Variants in PLAUR observed in about 807,000 individuals in gnomAD.
The protein encoded by PLAUR is urokinase plasminogen activator surface receptor.
In PLAUR, 22 loss-of-function variants were observed where a neutral mutation model predicts 33.4. The observed-to-expected ratio is 0.66, with a 90% CI of 0.47 to 0.94. PLAUR has a LOEUF of 0.94. Ranked by LOEUF, PLAUR falls within the 40% of genes least tolerant of loss-of-function variation. The probability of loss-of-function intolerance (pLI) is 0.00; values close to 1 mark genes in which losing one functional copy is unlikely to be tolerated. For missense variants in PLAUR, 408 were observed against 434.7 expected (o/e 0.94, Z 0.55); for synonymous variants, 148 against 167.3 (o/e 0.88, Z 0.89).
intron 6 of PLAUR, among the ~76,000 whole-genome samples, chr19:43,650,107 G>T (rs1176739576): frequency 6.6e-6 from 1 of 151,570 alleles, no homozygotes; most frequent in Non-Finnish European, 1.5e-5. Flanking sequence ...TGCCTCCCGG[G>T]TTCAAGCAAT....
intron 6 of PLAUR, chr19:43,651,884 C>A: frequency 9.6e-7 from 1 of 1,040,928 alleles, no homozygotes; most frequent in Non-Finnish European, 1.2e-6. Flanking sequence ...CCAAAGAATT[C>A]CATTTTTCTT....
At position 43,664,406 on chromosome 19, in the gene PLAUR, C is replaced by T. The variant is rs143966658; in HGVS notation, c.310+910G>A. 3.2e-4 allele frequency among the ~76,000 whole-genome samples: 48 copies of T among 152,330 alleles called. No homozygotes were observed. The East Asian group carries it at 8.9e-3, about 28-fold the overall frequency. On this transcript the variant is annotated intron_variant, in intron 3 of 6. Transcript: ENST00000340093. ...GCACCATGGACCCATTCCTTCCCCA[C>T]CCTTCCTCTCCTGTGGGAATTTAGG...
At chr19:43,655,066 A>C (rs902061951) in intron 5 of PLAUR, among the ~76,000 whole-genome samples, 2 of 152,082 alleles carry the variant, frequency 1.3e-5, no homozygotes, top group African/African-American at 2.4e-5. Flanking sequence ...ACTTGAGGTC[A>C]GGAGTTCGAG....
chr19:43,667,243 T>C, intron 2 of PLAUR: 1 of 348,584 alleles, frequency 2.9e-6, no homozygotes, highest in Non-Finnish European at 5.5e-6. Context: ...CATGTGTCCC[T>C]GGGTATATGT....
intron 3 of PLAUR, chr19:43,661,519 C>G (rs1966995013): frequency 6.6e-6 from 1 of 152,120 alleles, no homozygotes; most frequent in African/African-American, 2.4e-5. Context: ...GCCTCAGCCA[C>G]CCAAGTAGCT....
chr19:43,653,002 G>A (rs988039286), intron 5 of PLAUR, among the ~76,000 whole-genome samples: 5 of 151,758 alleles, frequency 3.3e-5, no homozygotes, highest in African/African-American at 7.3e-5. Flanking sequence ...TTTTTGAGAC[G>A]GAGTCTTGCT....
Position 43,655,480 on chromosome 19 carries a change from A to G in PLAUR, c.566T>C (p.Phe189Ser). 6.2e-7 allele frequency: 1 copy of G among 1,614,072 alleles called. No individual in the cohort carries two copies. Among genetic ancestry groups the G allele is most frequent in the Non-Finnish European group, 8.5e-7 (1 of 1,180,000 alleles). Reference protein sequence around the residue: ...NGFHNNDTFHFLKCCNTTKCN... With the variant: ...NGFHNNDTFHSLKCCNTTKCN... ...TTTGGTGGTGTTGCAGCATTTCAGG[A>G]AGTGGAAGGTGTCGTTGTTGTGGAA... Residue 189 changes from phenylalanine (F) to serine (S), a missense_variant, in exon 5 of 7, where the codon TTC becomes TCC. Transcript: ENST00000340093.
chr19:43,657,768 G>A (rs1446127666), intron 3 of PLAUR, among the ~76,000 whole-genome samples: 3 of 152,142 alleles, frequency 2.0e-5, no homozygotes, highest in Non-Finnish European at 2.9e-5. Flanking sequence ...ACATGGCCAG[G>A]GACAGATAAG....
intron 1 of PLAUR, chr19:43,668,010 C>A: frequency 8.6e-7 from 1 of 1,166,052 alleles, no homozygotes; most frequent in South Asian, 2.1e-5. Context: ...TCTATCAGTA[C>A]GTTCTATTCC....
intron 5 of PLAUR, among the ~76,000 whole-genome samples, chr19:43,654,610 T>A (rs1291411917): frequency 5.3e-5 from 8 of 151,906 alleles, no homozygotes. Flanking sequence ...GGCATGCACC[T>A]GTAGTCGCAG....
At chr19:43,658,974 TTC>T (rs1259624703) in intron 3 of PLAUR, among the ~76,000 whole-genome samples, 2 of 151,978 alleles carry the variant, frequency 1.3e-5, no homozygotes, top group African/African-American at 2.4e-5. Context: ...AGCTGTCATC[TTC>T]AATTTCACCT....
chr19:43,656,648 G>C lies in PLAUR; in HGVS notation c.311-8C>G, dbSNP rs911554682. The C allele has an allele frequency of 1.9e-6, 3 of 1,583,336 alleles. No individual in the cohort carries two copies. In the African/African-American group the frequency reaches 4.0e-5, roughly 21 times the overall value. ...AATAGGTGACAGCCCGGCCTGTTTG[G>C]AAGAGGGGGAGGGGAGTGAGACTCC... On this transcript the variant is annotated splice_region_variant and splice_polypyrimidine_tract_variant and intron_variant, in intron 3 of 6. Transcript: ENST00000340093.
chr19:43,650,461 G>A (rs1973951429), intron 6 of PLAUR, among the ~76,000 whole-genome samples: 1 of 151,660 alleles, frequency 6.6e-6, no homozygotes, highest in Non-Finnish European at 1.5e-5. Context: ...AAGCAGCTGG[G>A]ACTACAGGCA....
At chr19:43,648,506 C>A (rs1489639323), downstream of PLAUR, 4 of 914,964 alleles carry the variant, frequency 4.4e-6, no homozygotes, top group African/African-American at 7.2e-5. Context: ...ATTCCAGGAG[C>A]CTGTGAAAAG....
At chr19:43,647,223 T>A (rs555553396), downstream of PLAUR, among the ~76,000 whole-genome samples, 1 of 152,346 alleles carries the variant, frequency 6.6e-6, no homozygotes, top group South Asian at 2.1e-4. Flanking sequence ...ATGGTAGTTC[T>A]GTCTCTTTTT....
rs1568549183 is a variant in PLAUR, at chr19:43,648,734, T to C, written c.*156A>G. 14 of 932,234 alleles carry C rather than the reference T, an allele frequency of 1.5e-5. No individual in the cohort carries two copies. The highest frequency in any genetic ancestry group is 2.1e-5 in the Non-Finnish European group (13 of 631,016). The allele number at this position is 932,234 out of a possible 1,614,324, so 57.7% of individuals were successfully genotyped here. On this transcript the variant is annotated 3_prime_UTR_variant, in exon 7 of 7. Transcript: ENST00000340093. Reference sequence around the variant, plus strand: ...GCTTTTCTCTTCTGCTTCACACAACTTTGTGAGATAGCTGTTTTCATAGCT... The same window carrying C: ...GCTTTTCTCTTCTGCTTCACACAACCTTGTGAGATAGCTGTTTTCATAGCT...
chr19:43,667,411 C>T, intron 2 of PLAUR, 170 bp downstream of exon 2: 1 of 616,800 alleles, frequency 1.6e-6, no homozygotes, highest in Non-Finnish European at 2.9e-6. Flanking sequence ...TCCTTACTAA[C>T]CCGGGTATTG....
In PLAUR at chr19:43,652,230, G is replaced by C. The variant is rs1248433151; in HGVS notation, c.749C>G (p.Thr250Ser). ...PMNQCLVATG[T>S]HEPKNQSYMV... is the part of the protein sequence containing the mutation. ...AGCCTCGGAGAGGGCCTCACCGTGAGTGCCGGTGGCTACCAGACATTGATT... is the reference window on the plus strand; with the variant it reads ...AGCCTCGGAGAGGGCCTCACCGTGACTGCCGGTGGCTACCAGACATTGATT... Residue 250 changes from threonine to serine, a missense_variant, in exon 6 of 7, where the codon ACT (threonine) becomes AGT (serine). Transcript: ENST00000340093. The C allele has an allele frequency of 8.1e-6, 13 of 1,614,070 alleles. No individual in the cohort carries two copies. The highest frequency in any genetic ancestry group is 1.1e-5 in the Non-Finnish European group (13 of 1,179,974).
At chr19:43,651,767 A>C in intron 6 of PLAUR, 2 of 986,392 alleles carry the variant, frequency 2.0e-6, no homozygotes, top group Non-Finnish European at 2.4e-6. Context: ...GAAGAAGTTG[A>C]GACCAAAAAG....
Sources: gnomAD v4.1 joint callset for allele counts (sites outside exome capture counted in the v4.1 genomes callset) on GRCh38, gnomAD v4.1.1 for gene constraint, MANE v1.5 for transcripts, NCBI Gene and HGNC (gene_info 2026-07-23, HGNC 2026-07-21) for gene names.